Variants in FAM186A observed in about 807,000 individuals in gnomAD.
FAM186A encodes the protein protein FAM186A.
FAM186A carries 163 observed loss-of-function variants against 216.8 expected under a neutral mutation model. The observed-to-expected ratio is 0.75, with a 90% confidence interval of 0.66 to 0.86. FAM186A has a LOEUF of 0.86. Among genes scored for constraint, FAM186A ranks in the 40% least tolerant of loss-of-function variants. The pLI, the probability that FAM186A is intolerant of heterozygous loss-of-function variation, is 0.00. For missense variants in FAM186A, 2,184 were observed against 2,746.2 expected, an observed-to-expected ratio of 0.80 and a Z score of 4.58; for synonymous variants, 805 against 1,025.3, an observed-to-expected ratio of 0.79 and a Z score of 4.10.
chr12:50,388,522 G>A (rs554902141), intron 1 of FAM186A, among the ~76,000 whole-genome samples: 12 of 152,124 alleles, frequency 7.9e-5, no homozygotes, highest in Non-Finnish European at 1.3e-4. Context: ...AGGAGGCTGA[G>A]GCAGGAGAAT....
At position 50,354,356 on chromosome 12, in the gene FAM186A, A is replaced by G. The variant is rs1467441593; in HGVS notation, c.2476T>C (p.Tyr826His). The G allele has an allele frequency of 6.4e-7, 1 of 1,551,510 alleles. No individual in the cohort carries two copies. Among genetic ancestry groups the G allele is most frequent in the Admixed American group, 2.0e-5 (1 of 50,994 alleles). ...KEKEKQRQEQ[Y>H]LQEGQEQMSG... ...ATTTGTTCTTGACCCTCTTGCAAAT[A>G]TTGCTCCTGCCTTTGTTTTTCCTTC... Residue 826 changes from tyrosine (Y) to histidine (H), a missense_variant, in exon 4 of 8, where the codon TAT becomes CAT. Around this residue, in one of 7 missense-constraint regions of FAM186A, gnomAD observed 1,132 missense variants for 1,263.4 expected, o/e 0.90. Transcript: ENST00000327337.
intron 1 of FAM186A, among the ~76,000 whole-genome samples, chr12:50,394,151 T>G (rs1943390052): frequency 6.6e-6 from 1 of 152,106 alleles, no homozygotes; most frequent in African/African-American, 2.4e-5. Flanking sequence ...AATCCTGAGC[T>G]CAAGTGATCC....
chr12:50,330,249 T>C (rs1228752197), intron 7 of FAM186A, among the ~76,000 whole-genome samples: 1 of 152,228 alleles, frequency 6.6e-6, no homozygotes, highest in Non-Finnish European at 1.5e-5. Flanking sequence ...TACAATGGTC[T>C]TTCTGGTACT....
intron 1 of FAM186A, among the ~76,000 whole-genome samples, chr12:50,394,760 T>TTTTTTTTTTTTTTTTTTTTTTTTG: frequency 8.9e-6 from 1 of 112,740 alleles, no homozygotes; most frequent in Non-Finnish European, 2.1e-5. Flanking sequence ...TTTTTTTTTT[T>TTTTTTTTTTTTTTTTTTTTTTTTG]AGAGATAGAG....
intron 1 of FAM186A, among the ~76,000 whole-genome samples, chr12:50,386,502 G>A (rs999264958): frequency 2.6e-5 from 4 of 152,018 alleles, no homozygotes; most frequent in African/African-American, 4.8e-5. Context: ...TAGCCATTCC[G>A]CAATGTATAA....
intron 1 of FAM186A, among the ~76,000 whole-genome samples, chr12:50,364,767 G>T (rs1045262733): frequency 6.6e-6 from 1 of 151,582 alleles, no homozygotes; most frequent in South Asian, 2.1e-4. Flanking sequence ...GCCAGGCATG[G>T]TGGCTCATGC....
intron 1 of FAM186A, chr12:50,365,751 C>G (rs1943081366): frequency 1.6e-5 from 12 of 754,376 alleles, no homozygotes; most frequent in African/African-American, 5.1e-5. Flanking sequence ...GTCTTCCCCT[C>G]TTTCCGAAGA....
chr12:50,359,945 T>G (rs544580413), intron 3 of FAM186A, among the ~76,000 whole-genome samples: 1 of 152,234 alleles, frequency 6.6e-6, no homozygotes, highest in Non-Finnish European at 1.5e-5. Context: ...GGAAATGTTC[T>G]AAAATTAGAT....
rs754620417 is a variant in FAM186A at position 50,396,488 on chromosome 12, G to GA, written c.-5dup. The GA allele has an allele frequency of 5.4e-5, 83 of 1,533,198 alleles. No homozygotes were observed. The African/African-American group carries it at 1.1e-3, about 20-fold the overall frequency. 95.0% of individuals were successfully genotyped at this position (1,533,198 alleles called of 1,614,324 possible). On this transcript the variant is annotated 5_prime_UTR_variant, in exon 1 of 8. Transcript: ENST00000327337. ...CATTTTTCATTTTGAAGAACATTTT[G>GA]AAAATGTGGGTGATTTCGTTTTATT...
At chr12:50,393,541 C>CAA (rs1331001890) in intron 1 of FAM186A, among the ~76,000 whole-genome samples, 1 of 133,122 alleles carries the variant, frequency 7.5e-6, no homozygotes, top group African/African-American at 2.8e-5. Context: ...GACTCCATCT[C>CAA]AAAAAAAAAA....
chr12:50,339,407 T>C (rs1235628305), intron 4 of FAM186A, among the ~76,000 whole-genome samples: 1 of 152,220 alleles, frequency 6.6e-6, no homozygotes, highest in Non-Finnish European at 1.5e-5. Context: ...CACCTTAGCA[T>C]AGAATCCTTT....
chr12:50,383,154 G>T (rs948438527), intron 1 of FAM186A, among the ~76,000 whole-genome samples: 2 of 148,744 alleles, frequency 1.3e-5, no homozygotes, highest in African/African-American at 4.9e-5. Context: ...GGAGGCTAAG[G>T]TGGGAGGATC....
In FAM186A at chr12:50,354,940, GT is replaced by G. The variant is rs1565886924; in HGVS notation, c.1891del (p.Thr631ProfsTer27). The part of the protein sequence containing the change: ...EEKTEEKEEL[T>X]KQVKSHQLVK... ...AAGTTGATGAGACTTGACTTGTTTG[GT>G]CAACTCTTCCTTCTCTTCAGTTTTT... On this transcript the variant is annotated frameshift_variant, in exon 4 of 8. Transcript: ENST00000327337. LOFTEE classifies it high-confidence loss of function. 5.8e-6 allele frequency: 9 copies of G among 1,550,324 alleles called. No individual in the cohort carries two copies. The Admixed American group carries it at 1.8e-4, about 31-fold the overall frequency.
Position 50,352,417 on chromosome 12 carries a change from G to A in FAM186A, c.4415C>T (p.Thr1472Ile). 1 of 1,547,192 alleles carries A rather than the reference G, an allele frequency of 6.5e-7. No homozygotes were observed. The highest frequency in any genetic ancestry group is 8.7e-7 in the Non-Finnish European group (1 of 1,145,538). Residue 1472 changes from threonine to isoleucine, a missense_variant, in exon 4 of 8, where the codon ACC (threonine) becomes ATC (isoleucine). Physicochemically the swap from Thr to Ile is moderately conservative, Grantham distance 89. This residue lies in a region of FAM186A where 267 missense variants were observed against 446.2 expected (regional missense o/e 0.60). Coordinates refer to ENST00000327337, the MANE Select transcript of FAM186A (RefSeq NM_001145475.3). The part of the protein sequence containing the change: ...QQAQELGIPL[T>I]PQQAQALGIP... ...CCCCAGGGCCTGGGCCTGCTGAGGG[G>A]TGAGAGGGATCCCCAATTCCTGAGC...
intron 1 of FAM186A, among the ~76,000 whole-genome samples, chr12:50,384,196 A>G (rs1943280954): frequency 1.3e-5 from 2 of 152,042 alleles, no homozygotes; most frequent in South Asian, 4.2e-4. Flanking sequence ...CAGCATTTTG[A>G]AAGGCCAAGG....
chr12:50,342,293 G>A (rs897490371), intron 4 of FAM186A, among the ~76,000 whole-genome samples: 37 of 151,142 alleles, frequency 2.4e-4, no homozygotes, highest in African/African-American at 9.0e-4. Flanking sequence ...GCAACCAAGT[G>A]AGACTCTTGT....
intron 7 of FAM186A, among the ~76,000 whole-genome samples, chr12:50,328,889 G>C (rs1379748134): frequency 6.6e-6 from 1 of 152,188 alleles, no homozygotes; most frequent in Non-Finnish European, 1.5e-5. Context: ...GCCAAGGCGG[G>C]TGGATCACCT....
chr12:50,351,506 T>A lies in FAM186A; in HGVS notation c.5326A>T (p.Lys1776Ter). The A allele has an allele frequency of 6.7e-7, 1 of 1,499,788 alleles. No homozygotes were observed. Among genetic ancestry groups the A allele is most frequent in the South Asian group, 1.4e-5 (1 of 73,748 alleles). The allele number at this position is 1,499,788 out of a possible 1,614,324, so 92.9% of individuals were successfully genotyped here. Residue 1776 changes from lysine to a stop codon, truncating the protein, a stop_gained, in exon 4 of 8, where the codon AAG becomes TAG. Coordinates refer to ENST00000327337, the MANE Select transcript of FAM186A (RefSeq NM_001145475.3). LOFTEE classifies it high-confidence loss of function. ...PLNQGPFAPG[K>*]PLEMGILSEP... is the part of the protein sequence containing the mutation. Reference sequence around the variant, plus strand: ...GAAAGAATCCCCATTTCTAGGGGCTTCCCAGGGGCAAAGGGGCCTTGGTTG... The same window carrying A: ...GAAAGAATCCCCATTTCTAGGGGCTACCCAGGGGCAAAGGGGCCTTGGTTG...
chr12:50,337,852 C>T (rs927382243), intron 4 of FAM186A, among the ~76,000 whole-genome samples: 7 of 152,016 alleles, frequency 4.6e-5, no homozygotes, highest in East Asian at 3.9e-4. Context: ...GCCAAGATGG[C>T]GCCACTGCAT....
Sources: gnomAD v4.1 joint callset for allele counts (sites outside exome capture counted in the v4.1 genomes callset) on GRCh38, gnomAD v4.1.1 for gene constraint, gnomAD v4.1.1 regional missense constraint, MANE v1.5 for transcripts, NCBI Gene and HGNC (gene_info 2026-07-23, HGNC 2026-07-21) for gene names.